Variants in RO60 observed in about 807,000 individuals in gnomAD.
RO60 encodes the protein Ro60, Y RNA binding protein.
RO60 carries 20 observed loss-of-function variants against 55.3 expected under a neutral mutation model. That is an observed-to-expected ratio of 0.36 (90% CI 0.25 to 0.53). The LOEUF (loss-of-function observed/expected upper bound fraction) is 0.53, where lower values mean the gene tolerates loss of function less well. Ranked by LOEUF, RO60 falls within the 20% of genes least tolerant of loss-of-function variation. RO60 has a pLI of 0.92. For missense variants in RO60, 558 were observed against 646.6 expected, an observed-to-expected ratio of 0.86 and a Z score of 1.49; for synonymous variants, 213 against 213.6, an observed-to-expected ratio of 1.00 and a Z score of 0.02.
downstream of RO60, chr1:193,091,737 G>A (rs780659680): frequency 6.9e-7 from 1 of 1,452,710 alleles, no homozygotes; most frequent in South Asian, 1.2e-5. Context: ...AGTTATTGTA[G>A]AAATTGATAG....
rs752580164 is a variant in RO60, at chr1:193,059,678, T to C, written c.-120T>C. On this transcript the variant is annotated 5_prime_UTR_variant, in exon 1 of 9. Coordinates refer to ENST00000400968, the MANE Select transcript of RO60 (RefSeq NM_001173524.2). The surrounding 1 kb of genome is among the most constrained non-coding windows in gnomAD (Gnocchi z 4.9). ...GGGGCTGTTGCTGTTGCTGTGGCTG[T>C]CGCTGCCCGTCAGGCTGCCTTCTTT... 1.5e-6 allele frequency: 2 copies of C among 1,366,556 alleles called. No individual in the cohort carries two copies. The highest frequency in any genetic ancestry group is 9.0e-5 in the East Asian group (2 of 22,238). The allele number at this position is 1,366,556 out of a possible 1,614,324, so 84.7% of individuals were successfully genotyped here.
At position 193,084,918 on chromosome 1, in the gene RO60, A is replaced by T; in HGVS notation, c.*187A>T. 2 of 1,505,652 alleles carry T rather than the reference A, an allele frequency of 1.3e-6. No homozygotes were observed. Among genetic ancestry groups the T allele is most frequent in the South Asian group, 1.3e-5 (1 of 77,426 alleles). 93.3% of individuals were successfully genotyped at this position (1,505,652 alleles called of 1,614,324 possible). A position where few individuals can be genotyped will look rare whatever the true frequency, so the allele number is the denominator to read the frequency against. On this transcript the variant is annotated 3_prime_UTR_variant, in exon 9 of 9. Coordinates refer to ENST00000400968, the MANE Select transcript of RO60 (RefSeq NM_001173524.2). Reference sequence around the variant, plus strand: ...ATGGGCCCAAAGGTCTATCTACTAAACTAGCTCTTGGGGAAATAGCTTCAG... The same window carrying T: ...ATGGGCCCAAAGGTCTATCTACTAATCTAGCTCTTGGGGAAATAGCTTCAG...
At chr1:193,063,185 C>G (rs1394853387) in intron 1 of RO60, among the ~76,000 whole-genome samples, 1 of 152,194 alleles carries the variant, frequency 6.6e-6, no homozygotes, top group Non-Finnish European at 1.5e-5. Context: ...CTCACCAACA[C>G]TTAATATTAT....
intron 6 of RO60, 118 bp from the exon 7 acceptor site, chr1:193,082,068 C>T: frequency 1.4e-6 from 1 of 719,704 alleles, no homozygotes; most frequent in Non-Finnish European, 2.5e-6. Context: ...CTAAAACACA[C>T]TAATAAAAAG....
chr1:193,076,555 G>A lies in RO60; in HGVS notation c.856G>A (p.Gly286Arg), dbSNP rs1460292887. The A allele has an allele frequency of 6.2e-7, 1 of 1,612,606 alleles. No individual in the cohort carries two copies. The highest frequency in any genetic ancestry group is 8.5e-7 in the Non-Finnish European group (1 of 1,179,408). The change falls in exon 4 of 9, where the codon GGA becomes AGA. Residue 286 changes from glycine to arginine, a missense_variant. Coordinates refer to ENST00000400968, the MANE Select transcript of RO60 (RefSeq NM_001173524.2). Reference protein sequence around the residue: ...MPLTALLRNLGKMTANSVLEP... With the variant: ...MPLTALLRNLRKMTANSVLEP... The stretch of plus-strand genomic sequence containing the variant: ...GCTTACTGCATTACTAAGGAATCTA[G>A]GAAAGATGACTGCTAATTCAGTACT...
At chr1:193,079,735 A>C (rs1351016982) in intron 5 of RO60, among the ~76,000 whole-genome samples, 2 of 152,204 alleles carry the variant, frequency 1.3e-5, no homozygotes, top group African/African-American at 4.8e-5. Flanking sequence ...TATCCAGAAT[A>C]CTGAAAACTA....
At chr1:193,081,623 A>T in intron 6 of RO60, 143 bp downstream of exon 6, 1 of 556,412 alleles carries the variant, frequency 1.8e-6, no homozygotes, top group Non-Finnish European at 3.1e-6. Flanking sequence ...ATATTTAAAG[A>T]TAATTGTGTA....
Position 193,075,928 on chromosome 1 carries a change from A to T in RO60, c.689A>T (p.Glu230Val), listed in dbSNP as rs1414877085. Residue 230 changes from glutamate to valine, a missense_variant, in exon 3 of 9, where the codon GAG (glutamate) becomes GTG (valine). Physicochemically the swap from Glu to Val is moderately radical, Grantham distance 121. Transcript: ENST00000400968. Reference protein sequence around the residue: ...VETEKLLKYLEAVEKVKRTRD... With the variant: ...VETEKLLKYLVAVEKVKRTRD... ...ACTGAAAAATTATTAAAGTATCTGG[A>T]GGCTGTAGAGAAAGTGAAGCGCACA... 8 of 1,613,236 alleles carry T rather than the reference A, an allele frequency of 5.0e-6. No individual in the cohort carries two copies. The Admixed American group carries it at 1.3e-4, about 27-fold the overall frequency.
intron 6 of RO60, 120 bp downstream of exon 6, chr1:193,081,600 C>A: frequency 1.7e-6 from 1 of 588,772 alleles, no homozygotes; most frequent in East Asian, 3.1e-5. Context: ...CAGCTTGTCA[C>A]ATTTTTAATT....
At position 193,060,199 on chromosome 1, in the gene RO60, G is replaced by A. The variant is rs538283677; in HGVS notation, c.-22+423G>A. 55 of 926,692 alleles carry A rather than the reference G, an allele frequency of 5.9e-5. No individual in the cohort carries two copies. In the South Asian group the frequency reaches 8.8e-4, roughly 15 times the overall value. 57.4% of individuals were successfully genotyped at this position (926,692 alleles called of 1,614,324 possible). ...GAAGACAGGGTGAATTTATCACAGA[G>A]GAATAACGAGGGAGAGGAGAAAGGT... is the stretch of plus-strand genomic sequence containing the variant. On this transcript the variant is annotated intron_variant, in intron 1 of 8. Coordinates refer to ENST00000400968, the MANE Select transcript of RO60 (RefSeq NM_001173524.2).
At position 193,076,975 on chromosome 1, in the gene RO60, C is replaced by G; in HGVS notation, c.1011C>G (p.Leu337=). 1 of 1,613,168 alleles carries G rather than the reference C, an allele frequency of 6.2e-7. No individual in the cohort carries two copies. Among genetic ancestry groups the G allele is most frequent in the Non-Finnish European group, 8.5e-7 (1 of 1,179,454 alleles). ...AAACTTACAAGACAGGTCATGGTCTCAGAGGGAAACTGAAGTGGCGCCCTG... is the reference window on the plus strand; with the variant it reads ...AAACTTACAAGACAGGTCATGGTCTGAGAGGGAAACTGAAGTGGCGCCCTG... ...ALETYKTGHG[L]RGKLKWRPDE... The change falls in exon 5 of 9, where the codon CTC becomes CTG. Residue 337 remains leucine, a synonymous_variant. Coordinates refer to ENST00000400968, the MANE Select transcript of RO60 (RefSeq NM_001173524.2).
At position 193,075,951 on chromosome 1, in the gene RO60, A is replaced by G. The variant is rs553098955; in HGVS notation, c.712A>G (p.Thr238Ala). 3 of 1,613,466 alleles carry G rather than the reference A, an allele frequency of 1.9e-6. No homozygotes were observed. The highest frequency in any genetic ancestry group is 2.5e-6 in the Non-Finnish European group (3 of 1,179,628). The change falls in exon 3 of 9, where the codon ACA becomes GCA. Residue 238 changes from threonine to alanine, a missense_variant. Transcript: ENST00000400968. ...YLEAVEKVKR[T>A]RDELEVIHLI... ...GGAGGCTGTAGAGAAAGTGAAGCGC[A>G]CAAGAGATGAGCTAGAAGTCATTCA...
In RO60 at chr1:193,084,899, C is replaced by T. The variant is rs1240153752; in HGVS notation, c.*168C>T. 3 of 1,484,342 alleles carry T rather than the reference C, an allele frequency of 2.0e-6. No homozygotes were observed. The highest frequency in any genetic ancestry group is 1.4e-5 in the South Asian group (1 of 73,158). 91.9% of individuals were successfully genotyped at this position (1,484,342 alleles called of 1,614,324 possible). ...AAAAAGAAGGAAAAATAAGATGGGC[C>T]CAAAGGTCTATCTACTAAACTAGCT... On this transcript the variant is annotated 3_prime_UTR_variant, in exon 9 of 9. Coordinates refer to ENST00000400968, the MANE Select transcript of RO60 (RefSeq NM_001173524.2).
At chr1:193,060,104 C>T (rs1572040692) in intron 1 of RO60, 3 of 1,220,500 alleles carry the variant, frequency 2.5e-6, no homozygotes, top group East Asian at 5.4e-5. Context: ...TCTTTCTCCT[C>T]CTTCTCCCGC....
chr1:193,069,355 C>A lies in RO60; in HGVS notation c.301C>A (p.Gln101Lys). 1 of 1,614,206 alleles carries A rather than the reference C, an allele frequency of 6.2e-7. No homozygotes were observed. The highest frequency in any genetic ancestry group is 1.3e-5 in the African/African-American group (1 of 75,058). The change falls in exon 2 of 9, where the codon CAG becomes AAG. Residue 101 changes from glutamine to lysine, a missense_variant. Physicochemically the swap from Gln to Lys is moderately conservative, Grantham distance 53. Coordinates refer to ENST00000400968, the MANE Select transcript of RO60 (RefSeq NM_001173524.2). ...PMLFALAICS[Q>K]CSDISTKQAA... ...GCTCTTTGCACTTGCCATTTGTTCC[C>A]AGTGCTCCGACATAAGCACAAAACA...
intron 1 of RO60, among the ~76,000 whole-genome samples, chr1:193,067,576 T>C (rs1673202331): frequency 6.6e-6 from 1 of 152,088 alleles, no homozygotes; most frequent in Admixed American, 6.5e-5. Context: ...GTTTAAGTTT[T>C]TGTTGGTTGT....
At chr1:193,079,961 T>TA (rs754439147) in intron 5 of RO60, among the ~76,000 whole-genome samples, 1,305 of 115,622 alleles carry the variant, frequency 0.011, 13 homozygotes, top group Middle Eastern at 0.021. Context: ...ACCCCGTCTC[T>TA]AAAAAAAAAA....
Position 193,075,904 on chromosome 1 carries a change from C to T in RO60, c.665C>T (p.Thr222Ile), listed in dbSNP as rs1673880719. 6.2e-7 allele frequency: 1 copy of T among 1,612,872 alleles called. No individual in the cohort carries two copies. The highest frequency in any genetic ancestry group is 1.1e-5 in the South Asian group (1 of 91,026). The change falls in exon 3 of 9, where the codon ACT (threonine) becomes ATT (isoleucine). Residue 222 changes from threonine to isoleucine, a missense_variant. Physicochemically the swap from Thr to Ile is moderately conservative, Grantham distance 89. Transcript: ENST00000400968. ...AAAGAAAAAGCACTCTCTGTGGAGA[C>T]TGAAAAATTATTAAAGTATCTGGAG... is the stretch of plus-strand genomic sequence containing the variant. ...LYKEKALSVE[T>I]EKLLKYLEAV...
intron 2 of RO60, among the ~76,000 whole-genome samples, chr1:193,070,838 A>C (rs1391450530): frequency 3.9e-5 from 6 of 152,220 alleles, no homozygotes; most frequent in Non-Finnish European, 8.8e-5. Context: ...ATGAAATGTA[A>C]ATAATAAATT....
Sources: allele counts gnomAD v4.1 joint callset (sites outside exome capture counted in the v4.1 genomes callset), GRCh38; gene constraint gnomAD v4.1.1; non-coding constraint Gnocchi (gnomAD v3.1); transcripts MANE v1.5; gene names NCBI Gene and HGNC (gene_info 2026-07-23, HGNC 2026-07-21).